The following PDE1C variants were observed in gnomAD, a reference collection of about 807,000 sequenced individuals.
PDE1C encodes the protein phosphodiesterase 1C.
Under a neutral mutation model 93.1 loss-of-function variants are expected in PDE1C, and 62 were observed. The observed-to-expected ratio is 0.67, with a 90% CI of 0.54 to 0.82. PDE1C has a LOEUF of 0.82. PDE1C is among the 40% of genes least tolerant of loss of function. PDE1C has a pLI of 0.00. For missense variants in PDE1C, 742 were observed against 884.6 expected, an observed-to-expected ratio of 0.84 and a Z score of 2.04; for synonymous variants, 325 against 310.1, an observed-to-expected ratio of 1.05 and a Z score of -0.50.
upstream of PDE1C, among the ~76,000 whole-genome samples, chr7:32,300,640 C>T (rs1284999419): frequency 6.6e-6 from 1 of 152,136 alleles, no homozygotes; most frequent in Non-Finnish European, 1.5e-5. Flanking sequence ...AACCTAGGCA[C>T]AGTGTATGCT....
chr7:31,653,052 A>G, the PDE1C span: 1 of 1,149,250 alleles, frequency 8.7e-7, no homozygotes, highest in Non-Finnish European at 1.2e-6. Context: ...CAGAGTATGC[A>G]ACAGTGACTA....
intron 16 of PDE1C, among the ~76,000 whole-genome samples, chr7:31,804,040 T>C (rs2128698027): frequency 6.6e-6 from 1 of 151,944 alleles, no homozygotes; most frequent in African/African-American, 2.4e-5. Flanking sequence ...TGGGTAGTGT[T>C]TTCTTGCTGC....
At chr7:31,754,534 C>T (rs556731584) in intron 17 of PDE1C, among the ~76,000 whole-genome samples, 1 of 152,288 alleles carries the variant, frequency 6.6e-6, no homozygotes, top group East Asian at 1.9e-4. Flanking sequence ...TACATTTATA[C>T]AATGGAATAT....
At chr7:31,701,418 C>A in the PDE1C span, among the ~76,000 whole-genome samples, 1 of 152,172 alleles carries the variant, frequency 6.6e-6, no homozygotes, top group Non-Finnish European at 1.5e-5. Flanking sequence ...TGAAGAGTTG[C>A]TTCTGATAGA....
chr7:32,222,504 A>G (rs1055054561), intron 1 of PDE1C, among the ~76,000 whole-genome samples: 2 of 152,230 alleles, frequency 1.3e-5, no homozygotes, highest in South Asian at 2.1e-4. Context: ...TCCTCTGTCC[A>G]GAAGCCAAAG....
In PDE1C at chr7:31,795,624, A is replaced by G. The variant is rs375642017; in HGVS notation, c.1891+13407T>C. Among the ~76,000 whole-genome samples, 67 of 151,986 alleles carry G rather than the reference A, an allele frequency of 4.4e-4. No individual in the cohort carries two copies. In the East Asian group the frequency reaches 0.013, roughly 29 times the overall value. On this transcript the variant is annotated intron_variant, in intron 16 of 17. Transcript: ENST00000396191. ...AAGTCTAATTTTATCATTAACAAAG[A>G]GTTCATAATATACTTTTATTTGACA... is the stretch of plus-strand genomic sequence containing the variant.
chr7:31,739,979 G>A, the PDE1C span, among the ~76,000 whole-genome samples: 1 of 152,036 alleles, frequency 6.6e-6, no homozygotes, highest in Non-Finnish European at 1.5e-5. Flanking sequence ...TCCCAAAACC[G>A]ATCTGCCTGA....
intron 1 of PDE1C, among the ~76,000 whole-genome samples, chr7:32,381,945 C>T (rs139695959): frequency 1.3e-5 from 2 of 152,152 alleles, no homozygotes; most frequent in African/African-American, 4.8e-5. Flanking sequence ...ATTTACCAAG[C>T]ATGACCATAT....
At chr7:32,128,881 G>C (rs954555324) in intron 3 of PDE1C, among the ~76,000 whole-genome samples, 1 of 114,600 alleles carries the variant, frequency 8.7e-6, no homozygotes. Flanking sequence ...TGGTGCACAT[G>C]TACCCTAGAA....
chr7:32,412,982 A>T (rs1785202595), intron 1 of PDE1C, among the ~76,000 whole-genome samples: 1 of 152,190 alleles, frequency 6.6e-6, no homozygotes, highest in African/African-American at 2.4e-5. Flanking sequence ...GGTCATGAGG[A>T]AACTCACGGG....
chr7:32,263,361 G>A (rs1009500094), intron 1 of PDE1C, among the ~76,000 whole-genome samples: 2 of 151,952 alleles, frequency 1.3e-5, no homozygotes, highest in Non-Finnish European at 2.9e-5. Flanking sequence ...GTGTGTGTGT[G>A]TGTCTGTGTG....
At chr7:32,418,880 T>C (rs1269180821) in intron 1 of PDE1C, among the ~76,000 whole-genome samples, 2 of 152,192 alleles carry the variant, frequency 1.3e-5, no homozygotes, top group East Asian at 3.8e-4. Flanking sequence ...TCCTGGAGCA[T>C]TTAAGCTGCA....
At chr7:32,207,677 TAC>T (rs1805689017) in intron 2 of PDE1C, among the ~76,000 whole-genome samples, 1 of 152,200 alleles carries the variant, frequency 6.6e-6, no homozygotes, top group Middle Eastern at 3.2e-3. Context: ...TACTTTTTCC[TAC>T]ACAGATACGT....
In PDE1C at chr7:31,779,447, G is replaced by A. The variant is rs10253525; in HGVS notation, c.1892-3715C>T. Among the ~76,000 whole-genome samples, 763 of 152,266 alleles carry A rather than the reference G, an allele frequency of 5.0e-3. 9 individuals are homozygous for A. The highest frequency in any genetic ancestry group is 0.017 in the African/African-American group (726 of 41,548). On this transcript the variant is annotated intron_variant, in intron 16 of 17. Coordinates refer to ENST00000396191, the MANE Select transcript of PDE1C (RefSeq NM_001191057.4). ...AAAGCCTGCAGCTTGATAGCTTTTC[G>A]TAGAGGTAGCTTTTCATCCCCTTGG...
chr7:31,623,536 C>T, the PDE1C span, among the ~76,000 whole-genome samples: 1 of 151,672 alleles, frequency 6.6e-6, no homozygotes, highest in Non-Finnish European at 1.5e-5. Flanking sequence ...CAGAAAAGGC[C>T]TTTGACAAAA....
the PDE1C span, among the ~76,000 whole-genome samples, chr7:31,630,838 A>G: frequency 6.6e-6 from 1 of 152,150 alleles, no homozygotes; most frequent in Non-Finnish European, 1.5e-5. Context: ...TATGTCAATG[A>G]AAACAAAAAG....
At chr7:31,708,680 C>T in the PDE1C span, among the ~76,000 whole-genome samples, 3 of 152,176 alleles carry the variant, frequency 2.0e-5, no homozygotes, top group South Asian at 4.1e-4. Context: ...AAAAATATCT[C>T]AAGACCTGTC....
intron 1 of PDE1C, among the ~76,000 whole-genome samples, chr7:32,410,182 A>G (rs1275614666): frequency 6.6e-6 from 1 of 152,106 alleles, no homozygotes; most frequent in African/African-American, 2.4e-5. Context: ...TTAAAAACCA[A>G]CCAGGGTGGG....
chr7:31,773,739 G>A (rs186698888), intron 17 of PDE1C, among the ~76,000 whole-genome samples: 2 of 152,178 alleles, frequency 1.3e-5, no homozygotes, highest in South Asian at 4.1e-4. Context: ...CACGCACCAC[G>A]TACCCAGCTT....
Sources: gnomAD v4.1 joint callset for allele counts (sites outside exome capture counted in the v4.1 genomes callset) on GRCh38, gnomAD v4.1.1 for gene constraint, MANE v1.5 for transcripts, NCBI Gene and HGNC (gene_info 2026-07-23, HGNC 2026-07-21) for gene names.